The following GAREM2 variants were observed in gnomAD, a reference collection of about 807,000 sequenced individuals.
The protein encoded by GAREM2 is GRB2 associated regulator of MAPK1 subtype 2.
Under a neutral mutation model 55.6 loss-of-function variants are expected in GAREM2, and 30 were observed. The ratio of observed to expected loss-of-function variants is 0.54; its 90% CI spans 0.40 to 0.73. The LOEUF is 0.73. GAREM2 is among the 30% of genes least tolerant of loss of function. The probability of loss-of-function intolerance (pLI) is 0.00; values close to 1 mark genes in which losing one functional copy is unlikely to be tolerated. For missense variants in GAREM2, 1,075 were observed against 1,257.7 expected (o/e 0.85, Z 2.20); for synonymous variants, 550 against 569.1 (o/e 0.97, Z 0.48).
chr2:26,173,999 T>A (rs1214684871), intron 1 of GAREM2, among the ~76,000 whole-genome samples: 1 of 149,390 alleles, frequency 6.7e-6, no homozygotes, highest in African/African-American at 2.5e-5. Context: ...CCCGAGAGGG[T>A]ACGCCCGGAG....
At chr2:26,178,447 G>A (rs966263553) in intron 2 of GAREM2, among the ~76,000 whole-genome samples, 38 of 152,088 alleles carry the variant, frequency 2.5e-4, no homozygotes, top group Non-Finnish European at 5.1e-4. Flanking sequence ...AGCTAGGCGT[G>A]GTGGCGCAGG....
At chr2:26,180,565 A>T (rs902146986) in intron 2 of GAREM2, among the ~76,000 whole-genome samples, 2 of 152,082 alleles carry the variant, frequency 1.3e-5, no homozygotes, top group African/African-American at 2.4e-5. Context: ...TGGCCCCACA[A>T]CATGTTTCTT....
chr2:26,191,388 G>T (rs1669493458), downstream of GAREM2: 2 of 1,614,070 alleles, frequency 1.2e-6, no homozygotes, highest in African/African-American at 2.7e-5. Flanking sequence ...CCACAAAGCG[G>T]AAAGGCCCTG....
At chr2:26,180,802 G>A in intron 2 of GAREM2, 1 of 455,684 alleles carries the variant, frequency 2.2e-6, no homozygotes, top group Non-Finnish European at 2.9e-6. Context: ...ATTTTTAGTA[G>A]AGATGGGGTT....
chr2:26,186,731 T>C (rs1261355184), intron 5 of GAREM2, among the ~76,000 whole-genome samples: 1 of 152,222 alleles, frequency 6.6e-6, no homozygotes, highest in Non-Finnish European at 1.5e-5. Context: ...ATCCCAGCAC[T>C]TTGGGAGGCC....
chr2:26,187,682 GC>G lies in GAREM2; in HGVS notation c.2055del (p.Ser686ProfsTer88). ...AYSAAPPSSC[A>X]PSSSSSSEWQ... ...TTCAGCTGCTCCCCCCTCCTCCTGC[GC>G]CCCCTCCTCCTCCTCTTCTTCTGAA... On this transcript the variant is annotated frameshift_variant, in exon 6 of 6. Transcript: ENST00000401533. LOFTEE classifies it high-confidence loss of function. 1.3e-6 allele frequency: 2 copies of G among 1,495,828 alleles called. No individual in the cohort carries two copies. The highest frequency in any genetic ancestry group is 1.8e-6 in the Non-Finnish European group (2 of 1,118,632). 92.7% of individuals were successfully genotyped at this position (1,495,828 alleles called of 1,614,324 possible).
At chr2:26,174,413 T>C (rs1388619026) in intron 1 of GAREM2, among the ~76,000 whole-genome samples, 1 of 152,210 alleles carries the variant, frequency 6.6e-6, no homozygotes, top group Non-Finnish European at 1.5e-5. Context: ...TTCCCACACA[T>C]CCTTTTTGGC....
the GAREM2 span, chr2:26,195,279 G>A: frequency 6.6e-7 from 1 of 1,522,444 alleles, no homozygotes; most frequent in Non-Finnish European, 9.1e-7. Flanking sequence ...TGCGGGTGAG[G>A]AACCTGAGAG....
the GAREM2 span, among the ~76,000 whole-genome samples, chr2:26,203,458 A>G: frequency 6.6e-6 from 1 of 152,196 alleles, no homozygotes; most frequent in Non-Finnish European, 1.5e-5. Context: ...GTGGTGAGGA[A>G]GGGGAATAAT....
chr2:26,197,671 T>C, the GAREM2 span: 2 of 1,115,068 alleles, frequency 1.8e-6, no homozygotes, highest in African/African-American at 1.5e-5. Flanking sequence ...TCTCAGGGTT[T>C]TTCTCTGTTC....
chr2:26,187,327 C>G lies in GAREM2; in HGVS notation c.1695C>G (p.Ser565=). Residue 565 remains serine (S), a synonymous_variant, in exon 6 of 6, where the codon TCC becomes TCG. Coordinates refer to ENST00000401533, the MANE Select transcript of GAREM2 (RefSeq NM_001168241.2). ...CTWGDCKVGE[S]SSRPAPGPLP... ...GGGGAGACTGCAAGGTGGGCGAGTC[C>G]TCTAGCCGCCCAGCCCCCGGTCCCC... 1 of 1,536,198 alleles carries G rather than the reference C, an allele frequency of 6.5e-7. No homozygotes were observed. The highest frequency in any genetic ancestry group is 8.8e-7 in the Non-Finnish European group (1 of 1,138,804).
Position 26,185,262 on chromosome 2 carries a change from C to T in GAREM2, c.1414C>T (p.Pro472Ser), listed in dbSNP as rs776751906. 4.6e-6 allele frequency: 7 copies of T among 1,519,904 alleles called. No individual in the cohort carries two copies. The South Asian group carries it at 8.4e-5, about 18-fold the overall frequency. 94.2% of individuals were successfully genotyped at this position (1,519,904 alleles called of 1,614,324 possible). A position where few individuals can be genotyped will look rare whatever the true frequency, so the allele number is the denominator to read the frequency against. ...GGAAGCGCCGCCGCCTCCAGTCCCT[C>T]CCAAATCCGAGGCGGTGAGTGAGCG... ...EPEAPPPPVP[P>S]KSEAVKEECR... Residue 472 changes from proline to serine, a missense_variant, in exon 4 of 6, where the codon CCC becomes TCC. By Grantham distance (74) the Pro-to-Ser change is moderately conservative (BLOSUM62 -1). Around this residue, in one of 6 missense-constraint regions of GAREM2, gnomAD observed 515 missense variants for 501.5 expected, o/e 1.03. Coordinates refer to ENST00000401533, the MANE Select transcript of GAREM2 (RefSeq NM_001168241.2).
chr2:26,191,674 A>T, downstream of GAREM2: 1 of 1,601,488 alleles, frequency 6.2e-7, no homozygotes, highest in African/African-American at 1.3e-5. Flanking sequence ...GGAAAAGGGG[A>T]GGAAAGCCAG....
chr2:26,192,127 G>C (rs569105049), downstream of GAREM2, among the ~76,000 whole-genome samples: 3 of 152,176 alleles, frequency 2.0e-5, no homozygotes, highest in East Asian at 5.8e-4. Flanking sequence ...TCCTGTTCAG[G>C]TATGGTGGTC....
chr2:26,191,562 C>T, downstream of GAREM2: 1 of 1,614,152 alleles, frequency 6.2e-7, no homozygotes, highest in Non-Finnish European at 8.5e-7. Flanking sequence ...TCCCCTCTTG[C>T]AGGCACATGA....
intron 2 of GAREM2, chr2:26,182,642 G>A: frequency 1.2e-6 from 1 of 844,552 alleles, no homozygotes; most frequent in Non-Finnish European, 1.9e-6. Flanking sequence ...TTGATCAGAG[G>A]CCAGCTGTGT....
At chr2:26,182,504 T>C (rs2147731216) in intron 2 of GAREM2, 1 of 1,548,374 alleles carries the variant, frequency 6.5e-7, no homozygotes, top group South Asian at 1.2e-5. Flanking sequence ...GTAGGGCCCA[T>C]GATCATCTGT....
At chr2:26,196,929 C>T in the GAREM2 span, among the ~76,000 whole-genome samples, 6 of 152,230 alleles carry the variant, frequency 3.9e-5, no homozygotes, top group Admixed American at 2.0e-4. Context: ...CAGGTCCCCG[C>T]ATCACTTCTA....
chr2:26,195,043 T>G, the GAREM2 span: 2 of 1,459,542 alleles, frequency 1.4e-6, no homozygotes, highest in Non-Finnish European at 1.9e-6. Context: ...AAAAGGAGTC[T>G]TATTAGAACT....
Sources: gnomAD v4.1 joint callset for allele counts (sites outside exome capture counted in the v4.1 genomes callset) on GRCh38, gnomAD v4.1.1 for gene constraint, gnomAD v4.1.1 regional missense constraint, MANE v1.5 for transcripts, NCBI Gene and HGNC (gene_info 2026-07-23, HGNC 2026-07-21) for gene names.